The following ITGA10 variants were observed in gnomAD, a reference collection of about 807,000 sequenced individuals.
The protein encoded by ITGA10 is integrin subunit alpha 10, also known as integrin alpha-10.
In ITGA10, 105 loss-of-function variants were observed where a neutral mutation model predicts 145.2. The ratio of observed to expected loss-of-function variants is 0.72; its 90% CI spans 0.62 to 0.85. The LOEUF (loss-of-function observed/expected upper bound fraction) is 0.85. Ranked by LOEUF, ITGA10 falls within the 40% of genes least tolerant of loss-of-function variation. ITGA10 has a pLI of 0.00. For synonymous variants in ITGA10, 506 were observed against 557.8 expected (o/e 0.91, Z 1.31); for missense variants, 1,317 against 1,444.5 (o/e 0.91, Z 1.43).
At chr1:145,903,002 GACACACACACAC>G in intron 7 of ITGA10, 41 bp from the exon 8 acceptor site, 1 of 1,097,034 alleles carries the variant, frequency 9.1e-7, no homozygotes, top group Non-Finnish European at 1.3e-6. Flanking sequence ...GATGTATGCA[GACACACACACAC>G]ACACACACAT....
At chr1:145,903,931 C>T (rs782027243) in intron 7 of ITGA10, 121 bp downstream of exon 7, 23 of 1,095,320 alleles carry the variant, frequency 2.1e-5, no homozygotes, top group Admixed American at 1.4e-4. Flanking sequence ...TCAGGTGATC[C>T]GCCTGCCTTG....
Position 145,896,273 on chromosome 1 carries a change from G to A in ITGA10, c.2914C>T (p.Leu972Phe), listed in dbSNP as rs933010908. Residue 972 changes from leucine to phenylalanine, a missense_variant, in exon 24 of 30, where the codon CTC becomes TTC. By Grantham distance (22) the Leu-to-Phe change is conservative. Transcript: ENST00000369304. The stretch of plus-strand genomic sequence containing the variant: ...AGACCCCTCCAGCTTCTCACCCTGA[G>A]AGTGGTTTTGAATTCTGGGCCAGGA... ...VGPGPEFKTT[L>F]RVQNLGCYVV... The A allele has an allele frequency of 2.5e-6, 4 of 1,612,526 alleles. No homozygotes were observed. Among genetic ancestry groups the A allele is most frequent in the South Asian group, 1.1e-5 (1 of 91,048 alleles).
At chr1:145,903,763 T>C (rs1308146510) in intron 7 of ITGA10, among the ~76,000 whole-genome samples, 3 of 152,044 alleles carry the variant, frequency 2.0e-5, no homozygotes, top group Non-Finnish European at 4.4e-5. Context: ...CTCGACTCAC[T>C]GCAACCTCCA....
chr1:145,896,146 C>T (rs782307176), intron 24 of ITGA10, 50 bp from the exon 25 acceptor site: 2 of 1,530,874 alleles, frequency 1.3e-6, no homozygotes, highest in South Asian at 2.2e-5. Flanking sequence ...AAGACCCTTC[C>T]TCATTTGTTC....
Position 145,901,444 on chromosome 1 carries a change from C to T in ITGA10, c.1443+72G>A, listed in dbSNP as rs1443764876. 2 of 1,504,416 alleles carry T rather than the reference C, an allele frequency of 1.3e-6. No homozygotes were observed. Among genetic ancestry groups the T allele is most frequent in the Non-Finnish European group, 1.8e-6 (2 of 1,122,962 alleles). The allele number at this position is 1,504,416 out of a possible 1,614,324, so 93.2% of individuals were successfully genotyped here. ...ACTTTGGAGGCCTCTCTCTTACCCA[C>T]TTCACACTCCTCCCCAACAGCCCAG... On this transcript the variant is annotated intron_variant, in intron 12 of 29. Transcript: ENST00000369304. The surrounding 1 kb of genome is among the most constrained non-coding windows in gnomAD (Gnocchi z 4.3).
chr1:145,903,099 G>T, intron 7 of ITGA10, 138 bp from the exon 8 acceptor site: 1 of 818,352 alleles, frequency 1.2e-6, no homozygotes, highest in Non-Finnish European at 1.8e-6. Flanking sequence ...CTGAGGTCAG[G>T]CATCTTGCCT....
At chr1:145,893,053 C>T in intron 29 of ITGA10, 108 bp downstream of exon 29, 7 of 962,802 alleles carry the variant, frequency 7.3e-6, no homozygotes, top group South Asian at 6.7e-5. Context: ...GCATGACATC[C>T]ACAGCCTGGT....
intron 26 of ITGA10, 86 bp from the exon 27 acceptor site, chr1:145,895,479 C>T: frequency 7.3e-7 from 1 of 1,374,578 alleles, no homozygotes; most frequent in Non-Finnish European, 1.0e-6. Context: ...CAGTCTTGTC[C>T]CAAGGCACCT....
chr1:145,910,038 T>A lies in ITGA10; in HGVS notation c.-24A>T, dbSNP rs1423549027. 1 of 1,603,078 alleles carries A rather than the reference T, an allele frequency of 6.2e-7. No homozygotes were observed. Among genetic ancestry groups the A allele is most frequent in the Non-Finnish European group, 8.5e-7 (1 of 1,170,660 alleles). On this transcript the variant is annotated 5_prime_UTR_variant, in exon 1 of 30. Coordinates refer to ENST00000369304, the MANE Select transcript of ITGA10 (RefSeq NM_003637.5). ...ATGCCTGATCGGTTTCTGTCCAGTA[T>A]GAGAAGTCCTCTGGCCTCTGTCCCT...
chr1:145,904,419 G>C (rs1656825498), intron 6 of ITGA10, among the ~76,000 whole-genome samples: 1 of 152,090 alleles, frequency 6.6e-6, no homozygotes, highest in Non-Finnish European at 1.5e-5. Context: ...ACCCAGGCTG[G>C]AGTGCAGTTG....
At position 145,895,624 on chromosome 1, in the gene ITGA10, C is replaced by T; in HGVS notation, c.3114+7G>A. The T allele has an allele frequency of 6.2e-7, 1 of 1,614,026 alleles. No individual in the cohort carries two copies. Among genetic ancestry groups the T allele is most frequent in the Non-Finnish European group, 8.5e-7 (1 of 1,179,904 alleles). ...TCCCACTCTGGACACCCCTTTGTGA[C>T]TCATACCAGTCTGTTTGTGTGTTGA... On this transcript the variant is annotated splice_region_variant and intron_variant, in intron 26 of 29. Coordinates refer to ENST00000369304, the MANE Select transcript of ITGA10 (RefSeq NM_003637.5).
intron 19 of ITGA10, 68 bp downstream of exon 19, chr1:145,897,747 C>T: frequency 6.2e-7 from 1 of 1,610,688 alleles, no homozygotes; most frequent in African/African-American, 1.3e-5. Context: ...CAACCCCCTA[C>T]CCGCCCTTCG....
At chr1:145,902,123 A>T in intron 10 of ITGA10, 102 bp from the exon 11 acceptor site, 1 of 1,580,774 alleles carries the variant, frequency 6.3e-7, no homozygotes, top group Non-Finnish European at 8.7e-7. Flanking sequence ...TGCTGGGCTC[A>T]GTTGGAAAGG....
chr1:145,892,987 T>G, intron 29 of ITGA10, 124 bp from the exon 30 acceptor site: 1 of 964,008 alleles, frequency 1.0e-6, no homozygotes, highest in Non-Finnish European at 1.6e-6. Flanking sequence ...AAATTTATTT[T>G]ATTTGGCTTA....
At chr1:145,892,910 A>G (rs371177376) in intron 29 of ITGA10, 47 bp from the exon 30 acceptor site, 32 of 1,461,820 alleles carry the variant, frequency 2.2e-5, no homozygotes, top group Non-Finnish European at 3.1e-5. Flanking sequence ...TAGACTGGGA[A>G]CCTTGCCAGT....
Position 145,899,295 on chromosome 1 carries a change from G to C in ITGA10, c.1969C>G (p.Gln657Glu). The change falls in exon 16 of 30, where the codon CAG becomes GAG. Residue 657 changes from glutamine to glutamate, a missense_variant. Gln to Glu is a conservative substitution (Grantham distance 29, BLOSUM62 2). Coordinates refer to ENST00000369304, the MANE Select transcript of ITGA10 (RefSeq NM_003637.5). ...TCCCTCTGAACCACACTGATGGCCTGTGGGGTCACCTCCAGTGATGGGGTC... is the reference window on the plus strand; with the variant it reads ...TCCCTCTGAACCACACTGATGGCCTCTGGGGTCACCTCCAGTGATGGGGTC... ...HLTPSLEVTP[Q>E]AISVVQRDCR... 6.2e-7 allele frequency: 1 copy of C among 1,614,216 alleles called. No homozygotes were observed. Among genetic ancestry groups the C allele is most frequent in the Non-Finnish European group, 8.5e-7 (1 of 1,180,028 alleles).
chr1:145,899,789 G>A (rs1158993078), intron 15 of ITGA10, among the ~76,000 whole-genome samples: 1 of 152,118 alleles, frequency 6.6e-6, no homozygotes, highest in African/African-American at 2.4e-5. Context: ...GGGATTACAG[G>A]TGTGAGCCAC....
At position 145,892,254 on chromosome 1, in the gene ITGA10, C is replaced by G. The variant is rs1325173834; in HGVS notation, c.*544G>C. 1 of 153,378 alleles carries G rather than the reference C, an allele frequency of 6.5e-6. No homozygotes were observed. Among genetic ancestry groups the G allele is most frequent in the Non-Finnish European group, 1.5e-5 (1 of 68,656 alleles). 9.5% of individuals were successfully genotyped at this position (153,378 alleles called of 1,614,324 possible). A position where few individuals can be genotyped will look rare whatever the true frequency, so the allele number is the denominator to read the frequency against. On this transcript the variant is annotated 3_prime_UTR_variant, in exon 30 of 30. Transcript: ENST00000369304. ...TCTCTTGTGGCTTTTCCTCCTCCCTCCTTTTTTCCTGTTGACTCTCCCCAT... is the reference window on the plus strand; with the variant it reads ...TCTCTTGTGGCTTTTCCTCCTCCCTGCTTTTTTCCTGTTGACTCTCCCCAT...
chr1:145,892,926 T>C, intron 29 of ITGA10, 63 bp from the exon 30 acceptor site: 1 of 1,268,982 alleles, frequency 7.9e-7, no homozygotes, highest in African/African-American at 1.5e-5. Context: ...CCAGTAGCTC[T>C]CAGACTTATC....
Sources: allele counts gnomAD v4.1 joint callset (sites outside exome capture counted in the v4.1 genomes callset), GRCh38; gene constraint gnomAD v4.1.1; non-coding constraint Gnocchi (gnomAD v3.1); transcripts MANE v1.5; gene names NCBI Gene and HGNC (gene_info 2026-07-23, HGNC 2026-07-21).